CDH4: variants seen among roughly 807,000 people sequenced by gnomAD.
CDH4 encodes the protein cadherin 4.
In CDH4, 33 loss-of-function variants were observed where a neutral mutation model predicts 86.0. The observed-to-expected ratio is 0.38, with a 90% CI of 0.29 to 0.51. The LOEUF (loss-of-function observed/expected upper bound fraction) is 0.51. Ranked by LOEUF, CDH4 falls within the 20% of genes least tolerant of loss-of-function variation. CDH4 has a pLI of 0.86. For missense variants in CDH4, 1,114 were observed against 1,307.4 expected (o/e 0.85, Z 2.28); for synonymous variants, 555 against 549.4 (o/e 1.01, Z -0.14).
chr20:61,876,078 C>T (rs1220939630), intron 7 of CDH4, among the ~76,000 whole-genome samples: 2 of 152,258 alleles, frequency 1.3e-5, no homozygotes, highest in Admixed American at 6.5e-5. Context: ...CTCCCACACA[C>T]GTGATGCTCC....
At chr20:61,715,699 C>T (rs559164674) in intron 2 of CDH4, among the ~76,000 whole-genome samples, 14 of 152,312 alleles carry the variant, frequency 9.2e-5, no homozygotes, top group Admixed American at 2.0e-4. Flanking sequence ...CCAGCTTTGC[C>T]GGAGTCTGGG....
rs184514654 is a variant in CDH4, at chr20:61,915,597, C to T, written c.1374+4990C>T. Among the ~76,000 whole-genome samples the T allele has an allele frequency of 2.8e-4, 42 of 152,332 alleles. No homozygotes were observed. The East Asian group carries it at 7.7e-3, about 28-fold the overall frequency. On this transcript the variant is annotated intron_variant, in intron 9 of 15. Coordinates refer to ENST00000614565, the MANE Select transcript of CDH4 (RefSeq NM_001794.5). The stretch of plus-strand genomic sequence containing the variant: ...GAACAAACGGGAGATCCATGTGACA[C>T]GCGATGGGTCTCCAGTGCATCACAC...
chr20:61,896,282 TC>T (rs1985109900), intron 8 of CDH4, among the ~76,000 whole-genome samples: 1 of 151,792 alleles, frequency 6.6e-6, no homozygotes, highest in African/African-American at 2.4e-5. Context: ...AGGGATGGGG[TC>T]AGGAGGGAGA....
intron 2 of CDH4, among the ~76,000 whole-genome samples, chr20:61,428,545 A>G (rs2085227062): frequency 6.6e-6 from 1 of 152,196 alleles, no homozygotes; most frequent in South Asian, 2.1e-4. Context: ...ACTGTGGGCA[A>G]TTCATACTCC....
At chr20:61,844,024 T>G (rs1400470723) in intron 4 of CDH4, among the ~76,000 whole-genome samples, 1 of 151,900 alleles carries the variant, frequency 6.6e-6, no homozygotes, top group Non-Finnish European at 1.5e-5. Context: ...GTGCATCTTG[T>G]TTTTAATGCT....
chr20:61,464,147 A>G (rs1417432108), intron 2 of CDH4, among the ~76,000 whole-genome samples: 1 of 152,102 alleles, frequency 6.6e-6, no homozygotes, highest in Non-Finnish European at 1.5e-5. Context: ...ACTTTCTAGG[A>G]AACTTGGCAC....
rs373583529 is a variant in CDH4, at chr20:61,534,631, TTTTCTTTTCTTTC to T, written c.170-208911_170-208899del. On this transcript the variant is annotated intron_variant, in intron 2 of 15. Coordinates refer to ENST00000614565, the MANE Select transcript of CDH4 (RefSeq NM_001794.5). ...AGGGATCAGATTCTAAGTGGTGGTTTTTTCTTTTCTTTCTTTCTTTTCTTTCTTTCTTTCTTTT... is the reference window on the plus strand; with the variant it reads ...AGGGATCAGATTCTAAGTGGTGGTTTTTTCTTTTCTTTCTTTCTTTCTTTT... Among the ~76,000 whole-genome samples, 405 of 142,324 alleles carry T rather than the reference TTTTCTTTTCTTTC, an allele frequency of 2.8e-3. 3 individuals are homozygous for T. Among genetic ancestry groups the T allele is most frequent in the East Asian group, 0.01 (39 of 3,886 alleles). The allele number at this position is 142,324 out of a possible 152,430, so 93.4% of individuals were successfully genotyped here. A position where few individuals can be genotyped will look rare whatever the true frequency, so the allele number is the denominator to read the frequency against.
chr20:61,923,251 C>T (rs1047832024), intron 9 of CDH4, among the ~76,000 whole-genome samples, 200 bp from the exon 10 acceptor site: 10 of 152,252 alleles, frequency 6.6e-5, no homozygotes, highest in Non-Finnish European at 1.3e-4. Flanking sequence ...CTCCTCCCAT[C>T]GGCCAAACCC....
rs113954466 is a variant in CDH4 at position 61,586,304 on chromosome 20, A to G, written c.170-157259A>G. 9.5e-4 allele frequency among the ~76,000 whole-genome samples: 144 copies of G among 152,208 alleles called. 1 individual carries two copies. The highest frequency in any genetic ancestry group is 2.9e-3 in the African/African-American group (120 of 41,482). ...AGTGGGGATAGGGATGGCAGTGACA[A>G]TAACAGTGACAACTGCACCTAACAC... On this transcript the variant is annotated intron_variant, in intron 2 of 15. Transcript: ENST00000614565.
intron 9 of CDH4, among the ~76,000 whole-genome samples, chr20:61,912,524 C>T (rs6121841): frequency 0.012 from 1,783 of 152,276 alleles, 36 homozygotes; most frequent in African/African-American, 0.04. Flanking sequence ...AATGAACTTC[C>T]GTATACCCAT....
At chr20:61,546,831 C>T (rs985233527) in intron 2 of CDH4, among the ~76,000 whole-genome samples, 1 of 152,196 alleles carries the variant, frequency 6.6e-6, no homozygotes, top group South Asian at 2.1e-4. Context: ...GGCGCCGACG[C>T]GGTGCCACGG....
chr20:61,857,655 A>C (rs1338902923), intron 6 of CDH4, among the ~76,000 whole-genome samples: 1 of 152,246 alleles, frequency 6.6e-6, no homozygotes, highest in East Asian at 1.9e-4. Flanking sequence ...ATGGGATTTC[A>C]CTGGAAGAAA....
At position 61,934,101 on chromosome 20, in the gene CDH4, G is replaced by A. The variant is rs777204391; in HGVS notation, c.2425G>A (p.Val809Met). ...QLQQPEAMGH[V>M]PSKAPGVRRV... ...GCAGCAGCCGGAAGCCATGGGGCAC[G>A]TGCCAAGCAAAGCCCCTGGCGTGCG... The change falls in exon 15 of 16, where the codon GTG becomes ATG. Residue 809 changes from valine (V) to methionine (M), a missense_variant. By Grantham distance (21) the Val-to-Met change is conservative (BLOSUM62 1). This residue lies in a region of CDH4 where 188 missense variants were observed against 183.8 expected (regional missense o/e 1.02). Transcript: ENST00000614565. 108 of 1,611,310 alleles carry A rather than the reference G, an allele frequency of 6.7e-5. No individual in the cohort carries two copies. The highest frequency in any genetic ancestry group is 2.2e-4 in the South Asian group (20 of 91,016).
intron 2 of CDH4, among the ~76,000 whole-genome samples, chr20:61,353,178 G>A (rs1204317603): frequency 6.6e-6 from 1 of 152,160 alleles, no homozygotes; most frequent in Non-Finnish European, 1.5e-5. Flanking sequence ...CCTGTGGAAA[G>A]CATATACATG....
At chr20:61,725,573 G>A (rs1249875739) in intron 2 of CDH4, among the ~76,000 whole-genome samples, 1 of 152,170 alleles carries the variant, frequency 6.6e-6, no homozygotes, top group Non-Finnish European at 1.5e-5. Context: ...CTGAATGGAT[G>A]AAACTGCCAC....
At chr20:61,526,297 T>G (rs780439417) in intron 2 of CDH4, among the ~76,000 whole-genome samples, 1 of 152,004 alleles carries the variant, frequency 6.6e-6, no homozygotes, top group African/African-American at 2.4e-5. Flanking sequence ...TCCAAGGACT[T>G]AACTTTATGC....
chr20:61,381,785 A>G (rs1271208340), intron 2 of CDH4, among the ~76,000 whole-genome samples: 3 of 152,224 alleles, frequency 2.0e-5, no homozygotes, highest in African/African-American at 7.2e-5. Context: ...ATTTAAAAAG[A>G]TAACTGTTGG....
At chr20:61,496,240 A>C (rs1425965517) in intron 2 of CDH4, among the ~76,000 whole-genome samples, 1 of 152,010 alleles carries the variant, frequency 6.6e-6, no homozygotes, top group African/African-American at 2.4e-5. Context: ...TCTGTACAAA[A>C]AAAAATTAAA....
At chr20:61,570,158 G>A (rs1209911144) in intron 2 of CDH4, 1 of 155,264 alleles carries the variant, frequency 6.4e-6, no homozygotes, top group Non-Finnish European at 1.4e-5. Flanking sequence ...CACTTGGGGA[G>A]CACTGTAGAA....
Sources: allele counts gnomAD v4.1 joint callset (sites outside exome capture counted in the v4.1 genomes callset), GRCh38; gene constraint gnomAD v4.1.1; regional missense constraint gnomAD v4.1.1; transcripts MANE v1.5; gene names NCBI Gene and HGNC (gene_info 2026-07-23, HGNC 2026-07-21).